CYP26B1: variants seen among roughly 807,000 people sequenced by gnomAD.
CYP26B1 encodes the protein cytochrome P450 family 26 subfamily B member 1, also known as cytochrome P450 26B1.
Under a neutral mutation model 39.1 loss-of-function variants are expected in CYP26B1, and 8 were observed. The ratio of observed to expected loss-of-function variants is 0.20; its 90% CI spans 0.12 to 0.37. CYP26B1 has a LOEUF of 0.37. Among genes scored for constraint, CYP26B1 ranks in the 10% least tolerant of loss-of-function variants. The probability of loss-of-function intolerance (pLI) is 1.00; values close to 1 mark genes in which losing one functional copy is unlikely to be tolerated. For synonymous variants in CYP26B1, 321 were observed against 314.3 expected (o/e 1.02, Z -0.23); for missense variants, 615 against 707.0 (o/e 0.87, Z 1.48).
At position 72,138,791 on chromosome 2, in the gene CYP26B1, C is replaced by G. The variant is rs553495462; in HGVS notation, c.430-3372G>C. Among the ~76,000 whole-genome samples the G allele has an allele frequency of 9.2e-5, 14 of 152,258 alleles. No individual in the cohort carries two copies. The East Asian group carries it at 2.7e-3, about 30-fold the overall frequency. On this transcript the variant is annotated intron_variant, in intron 2 of 5. Transcript: ENST00000001146. ...CTTAAGGGATGGCCTTGGGCAACTCCCCTGCCAAGCCCCCAAGGACACAAT... is the reference window on the plus strand; with the variant it reads ...CTTAAGGGATGGCCTTGGGCAACTCGCCTGCCAAGCCCCCAAGGACACAAT...
intron 2 of CYP26B1, among the ~76,000 whole-genome samples, chr2:72,140,991 C>G (rs1676926866): frequency 6.6e-6 from 1 of 152,214 alleles, no homozygotes; most frequent in South Asian, 2.1e-4. Context: ...AGGTCCAGTC[C>G]TATCTCCAAA....
At chr2:72,144,526 ACCCCCACC>A in intron 1 of CYP26B1, 1 of 678,814 alleles carries the variant, frequency 1.5e-6, no homozygotes, top group Middle Eastern at 5.3e-4. Flanking sequence ...CTCCGCCCCC[ACCCCCACC>A]CCCACACCCC....
chr2:72,135,213 C>A lies in CYP26B1; in HGVS notation c.636G>T (p.Glu212Asp), dbSNP rs766871295. ...IPEEDLGHLF[E>D]VYQQFVDNVF... Reference sequence around the variant, plus strand: ...CATTGTCCACAAACTGCTGGTAGACCTCAAAGAGGTGCCCAAGGTCCTCCT... The same window carrying A: ...CATTGTCCACAAACTGCTGGTAGACATCAAAGAGGTGCCCAAGGTCCTCCT... Residue 212 changes from glutamate to aspartate, a missense_variant, in exon 3 of 6, where the codon GAG becomes GAT. By Grantham distance (45) the Glu-to-Asp change is conservative (BLOSUM62 2). Coordinates refer to ENST00000001146, the MANE Select transcript of CYP26B1 (RefSeq NM_019885.4). 4 of 1,613,920 alleles carry A rather than the reference C, an allele frequency of 2.5e-6. No individual in the cohort carries two copies. The African/African-American group carries it at 5.3e-5, about 22-fold the overall frequency.
intron 2 of CYP26B1, among the ~76,000 whole-genome samples, chr2:72,135,985 C>G (rs1381428087): frequency 6.6e-6 from 1 of 152,132 alleles, no homozygotes; most frequent in African/African-American, 2.4e-5. Flanking sequence ...AACAGAAGCC[C>G]TGTGACTTCC....
chr2:72,132,742 C>T, intron 5 of CYP26B1, 123 bp from the exon 6 acceptor site: 1 of 1,484,174 alleles, frequency 6.7e-7, no homozygotes, highest in Non-Finnish European at 9.0e-7. Flanking sequence ...TAGAGACACC[C>T]CACTGTGGCC....
intron 1 of CYP26B1, among the ~76,000 whole-genome samples, chr2:72,145,863 A>G (rs1047249563): frequency 6.6e-6 from 1 of 152,152 alleles, no homozygotes; most frequent in African/African-American, 2.4e-5. Context: ...AAAATGTTGT[A>G]TTTTTAGCCC....
Position 72,147,784 on chromosome 2 carries a change from C to G in CYP26B1, c.51G>C (p.Ala17=), listed in dbSNP as rs368056183. The change falls in exon 1 of 6, where the codon GCG becomes GCC. Residue 17 remains alanine (A), a synonymous_variant. Transcript: ENST00000001146. The surrounding 1 kb of genome is among the most constrained non-coding windows in gnomAD (Gnocchi z 6.1). ...GCAGCAGCGTCACGGACACCAGGCA[C>G]GCGGCGAGGGTGGCCAGCGCCGACA... The part of the protein sequence containing the change: ...DLVSALATLA[A]CLVSVTLLLA... 1.0e-5 allele frequency: 16 copies of G among 1,567,142 alleles called. No homozygotes were observed. Among genetic ancestry groups the G allele is most frequent in the Non-Finnish European group, 1.4e-5 (16 of 1,157,222 alleles).
At chr2:72,144,960 C>T (rs1481808833) in intron 1 of CYP26B1, among the ~76,000 whole-genome samples, 1 of 152,102 alleles carries the variant, frequency 6.6e-6, no homozygotes, top group Admixed American at 6.5e-5. Flanking sequence ...GCCGGACTCT[C>T]GAAACGGCTG....
rs1051502538 is a variant in CYP26B1 at position 72,145,232 on chromosome 2, G to C, written c.205-1019C>G. On this transcript the variant is annotated intron_variant, in intron 1 of 5. Coordinates refer to ENST00000001146, the MANE Select transcript of CYP26B1 (RefSeq NM_019885.4). Reference sequence around the variant, plus strand: ...GGGACAACTCAGTCCCCCTAGCCCGGGTTGGTCCCCCTCCTCACTTTCCTT... The same window carrying C: ...GGGACAACTCAGTCCCCCTAGCCCGCGTTGGTCCCCCTCCTCACTTTCCTT... 5.3e-5 allele frequency among the ~76,000 whole-genome samples: 8 copies of C among 152,234 alleles called. No individual in the cohort carries two copies. The East Asian group carries it at 9.6e-4, about 18-fold the overall frequency.
Position 72,134,880 on chromosome 2 carries a change from C to T in CYP26B1, c.742G>A (p.Glu248Lys). 6.2e-7 allele frequency: 1 copy of T among 1,614,072 alleles called. No individual in the cohort carries two copies. The highest frequency in any genetic ancestry group is 1.1e-5 in the South Asian group (1 of 91,074). Residue 248 changes from glutamate to lysine, a missense_variant, in exon 4 of 6, where the codon GAG becomes AAG. Transcript: ENST00000001146. ...QARQILQKGLEKAIREKLQCT... is the reference protein window; with the variant it reads ...QARQILQKGLKKAIREKLQCT... ...TGCAGCTTCTCCCGGATGGCCTTCT[C>T]CAGCCCCTTCTGCAGGATCTGCCGA...
Position 72,143,984 on chromosome 2 carries a change from C to T in CYP26B1, c.429+5G>A, listed in dbSNP as rs755367058. The T allele has an allele frequency of 1.4e-5, 23 of 1,613,244 alleles. No individual in the cohort carries two copies. Among genetic ancestry groups the T allele is most frequent in the Non-Finnish European group, 1.9e-5 (23 of 1,179,992 alleles). On this transcript the variant is annotated splice_donor_5th_base_variant and intron_variant, in intron 2 of 5. Transcript: ENST00000001146. Reference sequence around the variant, plus strand: ...TGCGCGGAAGAAAACGGGCAGAGTTCTTACCTTGCGCTTGTTGCGGTGGAT... The same window carrying T: ...TGCGCGGAAGAAAACGGGCAGAGTTTTTACCTTGCGCTTGTTGCGGTGGAT...
At position 72,129,611 on chromosome 2, in the gene CYP26B1, A is replaced by G. The variant is rs1252916468; in HGVS notation, c.*2616T>C. The stretch of plus-strand genomic sequence containing the variant: ...ATAAAGACAGACACAAAATTATAAC[A>G]TTTATGAAAAAAAAGGTTTGTGTAT... On this transcript the variant is annotated 3_prime_UTR_variant, in exon 6 of 6. Transcript: ENST00000001146. 1.4e-5 allele frequency: 2 copies of G among 140,204 alleles called. No individual in the cohort carries two copies. The highest frequency in any genetic ancestry group is 3.1e-5 in the Non-Finnish European group (2 of 64,680). The allele number at this position is 140,204 out of a possible 1,614,324, so 8.7% of individuals were successfully genotyped here.
Position 72,135,082 on chromosome 2 carries a change from A to AC in CYP26B1, c.705+61dup. The AC allele has an allele frequency of 3.1e-6, 5 of 1,605,680 alleles. No homozygotes were observed. The South Asian group carries it at 5.5e-5, about 18-fold the overall frequency. ...ATCTCAGGGGTCAGGTCAGCCACCC[A>AC]CCCCCAGAGAGGGGGCTCATGGATG... On this transcript the variant is annotated intron_variant, in intron 3 of 5. Transcript: ENST00000001146.
At chr2:72,145,672 T>C (rs537377399) in intron 1 of CYP26B1, among the ~76,000 whole-genome samples, 1 of 152,220 alleles carries the variant, frequency 6.6e-6, no homozygotes, top group Non-Finnish European at 1.5e-5. Context: ...AAAAGTTGGG[T>C]TGTGAATTTT....
chr2:72,146,301 G>A (rs1677121517), intron 1 of CYP26B1, among the ~76,000 whole-genome samples: 1 of 149,614 alleles, frequency 6.7e-6, no homozygotes, highest in Non-Finnish European at 1.5e-5. Flanking sequence ...CTAGAGCACC[G>A]CTGCAGTTGA....
intron 2 of CYP26B1, among the ~76,000 whole-genome samples, chr2:72,140,986 C>T (rs529057415): frequency 4.1e-4 from 63 of 152,200 alleles, no homozygotes; most frequent in Non-Finnish European, 6.5e-4. Flanking sequence ...CACTGAGGTC[C>T]AGTCCTATCT....
intron 4 of CYP26B1, 143 bp downstream of exon 4, chr2:72,134,618 A>G (rs1191687239): frequency 9.7e-6 from 13 of 1,341,568 alleles, no homozygotes; most frequent in Non-Finnish European, 1.2e-5. Context: ...TTCCAGTTTC[A>G]AGGTCTCCAG....
Position 72,133,324 on chromosome 2 carries a change from A to G in CYP26B1, c.862-17T>C, listed in dbSNP as rs990910622. 2.5e-6 allele frequency: 4 copies of G among 1,597,294 alleles called. No individual in the cohort carries two copies. Among genetic ancestry groups the G allele is most frequent in the African/African-American group, 2.7e-5 (2 of 74,886 alleles). ...GGTCCCGTCCTGCAGGGCACAGAGG[A>G]GAGGTGTTGTTGGAGGTGTGGGTTC... On this transcript the variant is annotated splice_polypyrimidine_tract_variant and intron_variant, in intron 4 of 5. Transcript: ENST00000001146.
At position 72,133,992 on chromosome 2, in the gene CYP26B1, C is replaced by T. The variant is rs6724926; in HGVS notation, c.862-685G>A. 3.5e-3 allele frequency among the ~76,000 whole-genome samples: 536 copies of T among 152,326 alleles called. 2 individuals carry two copies. Among genetic ancestry groups the T allele is most frequent in the African/African-American group, 0.012 (496 of 41,580 alleles). On this transcript the variant is annotated intron_variant, in intron 4 of 5. Coordinates refer to ENST00000001146, the MANE Select transcript of CYP26B1 (RefSeq NM_019885.4). ...ACCCTGCATTTTACAAATGTGGACTCTGGGCCCAGAGAGGGCAATGAAGGG... is the reference window on the plus strand; with the variant it reads ...ACCCTGCATTTTACAAATGTGGACTTTGGGCCCAGAGAGGGCAATGAAGGG...
Sources: gnomAD v4.1 joint callset for allele counts (sites outside exome capture counted in the v4.1 genomes callset) on GRCh38, gnomAD v4.1.1 for gene constraint, Gnocchi (gnomAD v3.1) non-coding constraint, MANE v1.5 for transcripts, NCBI Gene and HGNC (gene_info 2026-07-23, HGNC 2026-07-21) for gene names.